KIAA1217: variants seen among roughly 807,000 people sequenced by gnomAD.
The protein encoded by KIAA1217 is sickle tail protein homolog.
Under a neutral mutation model 163.9 loss-of-function variants are expected in KIAA1217, and 88 were observed. That is an observed-to-expected ratio of 0.54 (90% CI 0.45 to 0.64). KIAA1217 has a LOEUF of 0.64. Among genes scored for constraint, KIAA1217 ranks in the 30% least tolerant of loss-of-function variants. The probability of loss-of-function intolerance (pLI) is 0.00; values close to 1 mark genes in which losing one functional copy is unlikely to be tolerated. For synonymous variants in KIAA1217, 903 were observed against 923.1 expected (o/e 0.98, Z 0.39); for missense variants, 2,372 against 2,475.0 (o/e 0.96, Z 0.88).
At chr10:24,461,389 C>G (rs1451263139) in intron 5 of KIAA1217, among the ~76,000 whole-genome samples, 1 of 152,070 alleles carries the variant, frequency 6.6e-6, no homozygotes, top group Non-Finnish European at 1.5e-5. Flanking sequence ...GAGTCTTGCT[C>G]TGTTGCCCAG....
chr10:23,738,118 GGAAAA>G (rs1838913362), intron 1 of KIAA1217, among the ~76,000 whole-genome samples: 1 of 151,944 alleles, frequency 6.6e-6, no homozygotes, highest in South Asian at 2.1e-4. Flanking sequence ...GAGGAGATAT[GGAAAA>G]GAAAAGTATA....
At chr10:24,007,867 T>C (rs1034424260) in intron 2 of KIAA1217, among the ~76,000 whole-genome samples, 4 of 152,108 alleles carry the variant, frequency 2.6e-5, no homozygotes, top group Admixed American at 2.0e-4. Flanking sequence ...CAGGATCCCA[T>C]AAAAGAGCAA....
chr10:23,878,947 G>A (rs1840829017), intron 1 of KIAA1217, among the ~76,000 whole-genome samples: 1 of 151,928 alleles, frequency 6.6e-6, no homozygotes, highest in Admixed American at 6.6e-5. Flanking sequence ...GGAGAAGACT[G>A]CAAAAACAAG....
At chr10:24,522,202 G>T (rs77498974) in intron 12 of KIAA1217, among the ~76,000 whole-genome samples, 10,101 of 152,094 alleles carry the variant, frequency 0.066, 489 homozygotes, top group Non-Finnish European at 0.096. Context: ...GAAAGGCCAG[G>T]TGTGGTGGCC....
chr10:24,283,329 T>C (rs1322865952), intron 2 of KIAA1217, among the ~76,000 whole-genome samples: 1 of 152,206 alleles, frequency 6.6e-6, no homozygotes, highest in Admixed American at 6.5e-5. Flanking sequence ...TTAAGATTCG[T>C]CCATGTCTTT....
At chr10:24,369,092 T>A (rs960328496) in intron 2 of KIAA1217, among the ~76,000 whole-genome samples, 1 of 152,126 alleles carries the variant, frequency 6.6e-6, no homozygotes, top group African/African-American at 2.4e-5. Flanking sequence ...CTTCTGTCCA[T>A]CTCTTCAAAC....
At chr10:24,102,392 C>G in intron 2 of KIAA1217, among the ~76,000 whole-genome samples, 1 of 152,072 alleles carries the variant, frequency 6.6e-6, no homozygotes, top group Non-Finnish European at 1.5e-5. Flanking sequence ...AATCAAAGAA[C>G]TACTAAATAA....
At chr10:24,448,070 C>A (rs2061092279) in intron 5 of KIAA1217, among the ~76,000 whole-genome samples, 1 of 152,016 alleles carries the variant, frequency 6.6e-6, no homozygotes, top group Non-Finnish European at 1.5e-5. Context: ...GCAGAGATTG[C>A]AGTGAGCCAA....
intron 1 of KIAA1217, among the ~76,000 whole-genome samples, chr10:23,855,108 C>T (rs1231158927): frequency 6.6e-6 from 1 of 152,100 alleles, no homozygotes; most frequent in Non-Finnish European, 1.5e-5. Context: ...TCTTCCTAGC[C>T]TCGATGGTCT....
chr10:23,739,659 G>A (rs1003216248), intron 1 of KIAA1217, among the ~76,000 whole-genome samples: 1 of 152,114 alleles, frequency 6.6e-6, no homozygotes, highest in African/African-American at 2.4e-5. Context: ...ATGAGCAAAG[G>A]CATGGCATAA....
chr10:24,208,912 C>G (rs942635883), upstream of KIAA1217: 14 of 400,838 alleles, frequency 3.5e-5, no homozygotes, highest in South Asian at 2.3e-4. Context: ...GAGCCCAGCC[C>G]CCAGTCCCCG....
rs189423343 is a variant in KIAA1217, at chr10:24,441,021, G to T, written c.846+2542G>T. ...AGGGCAGGAAGCTTTGTTGAGCCCT[G>T]CCTCTGGAGCCCAGCTGCACAACCC... On this transcript the variant is annotated intron_variant, in intron 5 of 20. Coordinates refer to ENST00000376454, the MANE Select transcript of KIAA1217 (RefSeq NM_019590.5). Among the ~76,000 whole-genome samples, 60 of 152,336 alleles carry T rather than the reference G, an allele frequency of 3.9e-4. No individual in the cohort carries two copies. The East Asian group carries it at 0.012, about 29-fold the overall frequency.
chr10:23,767,852 A>T (rs967569894), intron 1 of KIAA1217, among the ~76,000 whole-genome samples: 1 of 152,224 alleles, frequency 6.6e-6, no homozygotes, highest in African/African-American at 2.4e-5. Flanking sequence ...CTATACCCCC[A>T]TGCAAACCCA....
At chr10:24,209,311 C>T (rs1564832429) in intron 1 of KIAA1217, 48 bp downstream of exon 1, 1 of 1,389,162 alleles carries the variant, frequency 7.2e-7, no homozygotes, top group Non-Finnish European at 1.0e-6. Flanking sequence ...ACGCGTGCCC[C>T]TTGCCGCTTG....
In KIAA1217 at chr10:24,263,178, C is replaced by A. The variant is rs77947433; in HGVS notation, c.354+43269C>A. ...TGCCTGCAGGGCTTCATGCGCATTT[C>A]TCTGTGTATTTAAATACTCACGGAA... On this transcript the variant is annotated intron_variant, in intron 2 of 20. Transcript: ENST00000376454. Among the ~76,000 whole-genome samples the A allele has an allele frequency of 7.8e-3, 1,186 of 152,272 alleles. 16 individuals carry two copies. Among genetic ancestry groups the A allele is most frequent in the African/African-American group, 0.027 (1,122 of 41,538 alleles).
At chr10:24,262,628 G>GAA (rs1331931820) in intron 2 of KIAA1217, among the ~76,000 whole-genome samples, 10 of 70,836 alleles carry the variant, frequency 1.4e-4, no homozygotes, top group Admixed American at 4.7e-4. Context: ...CCGTCTCAAA[G>GAA]AAAAAAAAAA....
intron 1 of KIAA1217, among the ~76,000 whole-genome samples, chr10:23,881,950 C>T (rs1840967084): frequency 1.3e-5 from 2 of 151,930 alleles, no homozygotes; most frequent in African/African-American, 4.8e-5. Flanking sequence ...AATCATATCA[C>T]AGGTGTGAGG....
At chr10:23,818,958 T>C (rs1837492594) in intron 1 of KIAA1217, among the ~76,000 whole-genome samples, 1 of 152,212 alleles carries the variant, frequency 6.6e-6, no homozygotes, top group Non-Finnish European at 1.5e-5. Context: ...ATCTCCCTTA[T>C]GTACATAATG....
chr10:24,203,987 A>G (rs969120808), upstream of KIAA1217, among the ~76,000 whole-genome samples: 1 of 152,246 alleles, frequency 6.6e-6, no homozygotes, highest in Non-Finnish European at 1.5e-5. Flanking sequence ...CCCAGCATCT[A>G]TCTTCCAACT....
Sources: allele counts gnomAD v4.1 joint callset (sites outside exome capture counted in the v4.1 genomes callset), GRCh38; gene constraint gnomAD v4.1.1; transcripts MANE v1.5; gene names NCBI Gene and HGNC (gene_info 2026-07-23, HGNC 2026-07-21).